RARB: variants seen among roughly 807,000 people sequenced by gnomAD.
RARB encodes retinoic acid receptor beta.
A neutral mutation model predicts 51.9 loss-of-function variants in RARB; 17 were observed. The ratio of observed to expected loss-of-function variants is 0.33; its 90% CI spans 0.22 to 0.49. The LOEUF (loss-of-function observed/expected upper bound fraction) is 0.49, where lower values mean the gene tolerates loss of function less well. Ranked by LOEUF, RARB falls within the 20% of genes least tolerant of loss-of-function variation. The pLI is 0.99. For missense variants in RARB, 369 were observed against 550.8 expected (o/e 0.67, Z 3.30); for synonymous variants, 215 against 195.4 (o/e 1.10, Z -0.84).
chr3:25,242,773 A>G (rs1446325420), intron 5 of RARB, among the ~76,000 whole-genome samples: 2 of 152,088 alleles, frequency 1.3e-5, no homozygotes, highest in African/African-American at 4.8e-5. Context: ...TTTGCTTAAG[A>G]TTGTGTTGGC....
intron 2 of RARB, among the ~76,000 whole-genome samples, chr3:24,859,761 C>CT (rs1702711989): frequency 6.6e-6 from 1 of 152,154 alleles, no homozygotes; most frequent in African/African-American, 2.4e-5. Flanking sequence ...ATATTTTAGG[C>CT]TTTTTGTGGG....
chr3:25,339,513 C>T (rs558594293), intron 5 of RARB, among the ~76,000 whole-genome samples: 8 of 152,102 alleles, frequency 5.3e-5, no homozygotes, highest in African/African-American at 1.9e-4. Flanking sequence ...TACTCTGACT[C>T]AGGAGGCTGC....
At chr3:25,260,301 T>A (rs774738263) in intron 5 of RARB, among the ~76,000 whole-genome samples, 25 of 152,256 alleles carry the variant, frequency 1.6e-4, no homozygotes, top group Admixed American at 3.9e-4. Flanking sequence ...TACATATATA[T>A]GTGGTTTTGG....
intron 3 of RARB, among the ~76,000 whole-genome samples, chr3:25,511,742 A>G (rs1458620000): frequency 1.3e-5 from 2 of 152,182 alleles, no homozygotes; most frequent in Non-Finnish European, 2.9e-5. Flanking sequence ...GATCCCACTG[A>G]CATGCCCCTG....
chr3:25,430,696 A>G (rs896015326), intron 1 of RARB, among the ~76,000 whole-genome samples: 1 of 152,236 alleles, frequency 6.6e-6, no homozygotes, highest in Admixed American at 6.5e-5. Flanking sequence ...AGAAGTGTTG[A>G]TAACAGCAAA....
intron 3 of RARB, among the ~76,000 whole-genome samples, chr3:25,569,487 A>G (rs975343594): frequency 6.6e-6 from 1 of 152,238 alleles, no homozygotes; most frequent in African/African-American, 2.4e-5. Flanking sequence ...TCTCACAACA[A>G]GCCAAGACTC....
In RARB at chr3:24,989,685, G is replaced by A. The variant is rs553262673; in HGVS notation, c.-379-70440G>A. Reference sequence around the variant, plus strand: ...GACATTTTATTGTGTTAAATACTAAGCCTTTATGAATCATGCACAAAGCAC... The same window carrying A: ...GACATTTTATTGTGTTAAATACTAAACCTTTATGAATCATGCACAAAGCAC... On this transcript the variant is annotated intron_variant, in intron 2 of 11. Transcript: ENST00000383772. Among the ~76,000 whole-genome samples, 73 of 101,968 alleles carry A rather than the reference G, an allele frequency of 7.2e-4. 22 individuals are homozygous for A. The highest frequency in any genetic ancestry group is 2.7e-3 in the African/African-American group (72 of 26,246). The allele number at this position is 101,968 out of a possible 152,430, so 66.9% of individuals were successfully genotyped here.
At position 25,328,258 on chromosome 3, in the gene RARB, G is replaced by C. The variant is rs541754475; in HGVS notation, c.179-132935G>C. Among the ~76,000 whole-genome samples the C allele has an allele frequency of 3.3e-5, 5 of 152,344 alleles. No homozygotes were observed. The South Asian group carries it at 1.0e-3, about 32-fold the overall frequency. On this transcript the variant is annotated intron_variant, in intron 5 of 11. Transcript: ENST00000383772. ...CTCTAGGCCGGGTGCAGTGGCTTAC[G>C]CCTGTAATCCCAACACTTTGAAAGA... is the stretch of plus-strand genomic sequence containing the variant.
intron 5 of RARB, among the ~76,000 whole-genome samples, chr3:25,399,366 A>G (rs1381721236): frequency 6.6e-6 from 1 of 152,144 alleles, no homozygotes; most frequent in East Asian, 1.9e-4. Context: ...CCTTGCATCA[A>G]GGAGTAGCCA....
chr3:25,573,479 C>T (rs79110663), intron 4 of RARB, among the ~76,000 whole-genome samples: 2 of 152,330 alleles, frequency 1.3e-5, no homozygotes, highest in East Asian at 1.9e-4. Flanking sequence ...GGCATCCTTC[C>T]GGAGGCCTGC....
At chr3:25,237,827 T>A (rs1702339051) in intron 5 of RARB, among the ~76,000 whole-genome samples, 1 of 152,144 alleles carries the variant, frequency 6.6e-6, no homozygotes, top group Admixed American at 6.6e-5. Context: ...CAACCCTATT[T>A]TGGATACCTC....
chr3:25,499,073 G>A (rs1697174130), intron 2 of RARB, among the ~76,000 whole-genome samples: 1 of 152,154 alleles, frequency 6.6e-6, no homozygotes, highest in South Asian at 2.1e-4. Context: ...AGATTTCCAG[G>A]CACTTATAGT....
At chr3:25,175,163 T>C (rs971128083) in intron 5 of RARB, among the ~76,000 whole-genome samples, 12 of 152,328 alleles carry the variant, frequency 7.9e-5, no homozygotes, top group Admixed American at 2.6e-4. Flanking sequence ...TACTATAAAA[T>C]AAAAATAGTC....
chr3:25,246,088 C>A (rs1240039616), intron 5 of RARB, among the ~76,000 whole-genome samples: 2 of 151,878 alleles, frequency 1.3e-5, no homozygotes, highest in East Asian at 3.9e-4. Context: ...TCTCTGATAT[C>A]CTGTCTTATG....
rs143778937 is a variant in RARB at position 25,508,633 on chromosome 3, G to A, written c.448+7310G>A. ...TTAGTTTATTTCTTCATTTGTTCCC[G>A]TGTTAGATCCCAGCCTGTTACTTTG... On this transcript the variant is annotated intron_variant, in intron 3 of 7. Transcript: ENST00000330688. 9.8e-4 allele frequency among the ~76,000 whole-genome samples: 149 copies of A among 152,172 alleles called. 3 individuals are homozygous for A. In the East Asian group the frequency reaches 0.027, roughly 28 times the overall value.
At chr3:25,338,096 A>AACACACACAC (rs10523484) in intron 5 of RARB, among the ~76,000 whole-genome samples, 252 of 144,042 alleles carry the variant, frequency 1.7e-3, no homozygotes, top group African/African-American at 3.3e-3. Context: ...CCAAACCCCC[A>AACACACACAC]ACACACACAC....
At chr3:25,132,918 G>C (rs931596321) in intron 4 of RARB, among the ~76,000 whole-genome samples, 1 of 138,574 alleles carries the variant, frequency 7.2e-6, no homozygotes, top group Admixed American at 7.9e-5. Context: ...AAAAGATCAA[G>C]GACTTACTCC....
At chr3:25,094,111 G>A (rs1196569989) in intron 3 of RARB, among the ~76,000 whole-genome samples, 3 of 152,100 alleles carry the variant, frequency 2.0e-5, no homozygotes, top group Non-Finnish European at 4.4e-5. Context: ...GGATTCTGCT[G>A]CCTTAAGAAC....
intron 2 of RARB, among the ~76,000 whole-genome samples, chr3:25,498,521 TC>T (rs1185596585): frequency 9.2e-5 from 14 of 152,198 alleles, no homozygotes; most frequent in Admixed American, 9.2e-4. Context: ...CAGCCAAAAA[TC>T]TGATTTGGAA....
Sources: allele counts gnomAD v4.1 joint callset (sites outside exome capture counted in the v4.1 genomes callset), GRCh38; gene constraint gnomAD v4.1.1; transcripts MANE v1.5; gene names NCBI Gene and HGNC (gene_info 2026-07-23, HGNC 2026-07-21).